Variants in GPATCH2L observed in about 807,000 individuals in gnomAD.
The protein encoded by GPATCH2L is G-patch domain containing 2 like, also known as G patch domain-containing protein 2-like.
Under a neutral mutation model 57.4 loss-of-function variants are expected in GPATCH2L, and 31 were observed. That is an observed-to-expected ratio of 0.54 (90% CI 0.41 to 0.73). GPATCH2L has a LOEUF of 0.73. Ranked by LOEUF, GPATCH2L falls within the 30% of genes least tolerant of loss-of-function variation. The pLI is 0.00. For missense variants in GPATCH2L, 481 were observed against 599.9 expected (o/e 0.80, Z 2.07); for synonymous variants, 199 against 210.7 (o/e 0.94, Z 0.48).
chr14:76,228,070 A>AT (rs2040543673), intron 1 of GPATCH2L, among the ~76,000 whole-genome samples: 4 of 152,316 alleles, frequency 2.6e-5, no homozygotes, highest in Admixed American at 2.0e-4. Context: ...CAGTTTCCGG[A>AT]TCTGTGTGGC....
intron 2 of GPATCH2L, among the ~76,000 whole-genome samples, chr14:76,162,976 C>T (rs1230117043): frequency 6.6e-6 from 1 of 152,202 alleles, no homozygotes; most frequent in Non-Finnish European, 1.5e-5. Flanking sequence ...AACACTTCTT[C>T]CCTAGCTCAA....
In GPATCH2L at chr14:76,212,249, AT is replaced by A. The variant is rs796159988; in HGVS notation, c.*10399del. ...CTGTCATATTAATAAAAGTAAACTT[AT>A]CTGTAGATAAAAGGCAAAAATGTCA... On this transcript the variant is annotated 3_prime_UTR_variant, in exon 10 of 10. Coordinates refer to ENST00000261530, the MANE Select transcript of GPATCH2L (RefSeq NM_017926.4). 30 of 152,316 alleles carry A rather than the reference AT, an allele frequency of 2.0e-4. 1 individual carries two copies. Among genetic ancestry groups the A allele is most frequent in the African/African-American group, 6.5e-4 (27 of 41,584 alleles). The allele number at this position is 152,316 out of a possible 1,614,324, so 9.4% of individuals were successfully genotyped here. A position where few individuals can be genotyped will look rare whatever the true frequency, so the allele number is the denominator to read the frequency against.
At chr14:76,164,956 G>GA (rs1231346307) in intron 2 of GPATCH2L, among the ~76,000 whole-genome samples, 16 of 152,116 alleles carry the variant, frequency 1.1e-4, no homozygotes, top group Non-Finnish European at 2.9e-5. Context: ...AGAGAGATGT[G>GA]AAAAAACAAG....
intron 2 of GPATCH2L, among the ~76,000 whole-genome samples, chr14:76,161,855 G>A (rs2038602408): frequency 6.6e-6 from 1 of 152,120 alleles, no homozygotes. Context: ...GACCAATGTG[G>A]TGAAACCTTG....
chr14:76,165,993 A>G (rs914904985), intron 2 of GPATCH2L, among the ~76,000 whole-genome samples: 5 of 152,258 alleles, frequency 3.3e-5, no homozygotes, highest in Non-Finnish European at 7.3e-5. Context: ...GCACACCATG[A>G]GAAGAAACAA....
chr14:76,219,197 C>A (rs2139860491), downstream of GPATCH2L, among the ~76,000 whole-genome samples: 1 of 152,130 alleles, frequency 6.6e-6, no homozygotes, highest in Admixed American at 6.6e-5. Flanking sequence ...ATGTGTAACT[C>A]TGCCAAGATG....
At chr14:76,231,886 A>G (rs2040563882) in intron 2 of GPATCH2L, among the ~76,000 whole-genome samples, 1 of 10,728 alleles carries the variant, frequency 9.3e-5, no homozygotes, top group South Asian at 6.8e-3. Flanking sequence ...TTACATAGCC[A>G]TCCTCCCATA....
chr14:76,157,073 T>C (rs1471696102), intron 2 of GPATCH2L, among the ~76,000 whole-genome samples: 1 of 152,252 alleles, frequency 6.6e-6, no homozygotes, highest in Non-Finnish European at 1.5e-5. Flanking sequence ...AATATGTAGA[T>C]GCTAAAGGGT....
chr14:76,153,910 T>C (rs2038172429), intron 1 of GPATCH2L: 1 of 154,966 alleles, frequency 6.5e-6, no homozygotes, highest in African/African-American at 2.4e-5. Flanking sequence ...CTACTCTGTG[T>C]TTCCACAACT....
In GPATCH2L at chr14:76,213,779, C is replaced by T. The variant is rs191991368; in HGVS notation, c.*11928C>T. On this transcript the variant is annotated 3_prime_UTR_variant, in exon 10 of 10. Coordinates refer to ENST00000261530, the MANE Select transcript of GPATCH2L (RefSeq NM_017926.4). ...TTCTCTCAGCTTCTTCTAATGTTAA[C>T]TTACATACCAATGGTACAATTATTG... The T allele has an allele frequency of 7.9e-5, 12 of 152,276 alleles. No individual in the cohort carries two copies. The highest frequency in any genetic ancestry group is 1.6e-4 in the Non-Finnish European group (11 of 68,016). 9.4% of individuals were successfully genotyped at this position (152,276 alleles called of 1,614,324 possible). A position where few individuals can be genotyped will look rare whatever the true frequency, so the allele number is the denominator to read the frequency against.
intron 8 of GPATCH2L, among the ~76,000 whole-genome samples, chr14:76,187,356 A>G (rs183912658): frequency 6.6e-6 from 1 of 152,102 alleles, no homozygotes; most frequent in East Asian, 1.9e-4. Context: ...GTCATCTTTT[A>G]TCTCCCTCTG....
intron 8 of GPATCH2L, among the ~76,000 whole-genome samples, chr14:76,194,047 T>C (rs143734100): frequency 3.6e-4 from 55 of 152,280 alleles, no homozygotes; most frequent in African/African-American, 1.2e-3. Flanking sequence ...ATTTTCTGCT[T>C]GTGTCTGGAC....
At chr14:76,190,880 G>A (rs1235467408) in intron 8 of GPATCH2L, among the ~76,000 whole-genome samples, 3 of 152,146 alleles carry the variant, frequency 2.0e-5, no homozygotes, top group East Asian at 1.9e-4. Flanking sequence ...TATATAATTC[G>A]GATAACCATT....
intron 2 of GPATCH2L, among the ~76,000 whole-genome samples, chr14:76,231,399 T>C (rs1595015988): frequency 6.6e-6 from 1 of 152,266 alleles, no homozygotes; most frequent in South Asian, 2.1e-4. Context: ...TGTTTCTTCT[T>C]CCCATCCTTT....
chr14:76,229,702 G>A (rs1026525753), intron 1 of GPATCH2L: 3 of 152,068 alleles, frequency 2.0e-5, no homozygotes, highest in South Asian at 2.1e-4. Flanking sequence ...CATGTCATGA[G>A]GTTTAATGAC....
At chr14:76,178,946 A>T (rs1172119180) in intron 7 of GPATCH2L, 1 of 152,142 alleles carries the variant, frequency 6.6e-6, no homozygotes, top group African/African-American at 2.4e-5. Flanking sequence ...ATGTTTCTTT[A>T]TGTGTGAAGC....
chr14:76,190,856 T>C (rs1474110422), intron 8 of GPATCH2L, among the ~76,000 whole-genome samples: 1 of 152,180 alleles, frequency 6.6e-6, no homozygotes, highest in Non-Finnish European at 1.5e-5. Context: ...CATGTGTATT[T>C]AGTAAAAGCT....
At position 76,212,347 on chromosome 14, in the gene GPATCH2L, A is replaced by G. The variant is rs2040450630; in HGVS notation, c.*10496A>G. 1 of 152,094 alleles carries G rather than the reference A, an allele frequency of 6.6e-6. No individual in the cohort carries two copies. Among genetic ancestry groups the G allele is most frequent in the African/African-American group, 2.4e-5 (1 of 41,436 alleles). 9.4% of individuals were successfully genotyped at this position (152,094 alleles called of 1,614,324 possible). On this transcript the variant is annotated 3_prime_UTR_variant, in exon 10 of 10. Transcript: ENST00000261530. ...GTAAACCAAGCAAACACAAACAAGA[A>G]AATGAGTTGTAGTCTGCATATCAGG...
Position 76,166,682 on chromosome 14 carries a change from A to G in GPATCH2L, c.682A>G (p.Ser228Gly). The change falls in exon 3 of 10, where the codon AGC (serine) becomes GGC (glycine). Residue 228 changes from serine (S) to glycine (G), a missense_variant. Transcript: ENST00000261530. ...TTACAGTGAAACCAGCAGTGTGTGTAGCAGCAGTGACACTGGGCTCTTTAC... is the reference window on the plus strand; with the variant it reads ...TTACAGTGAAACCAGCAGTGTGTGTGGCAGCAGTGACACTGGGCTCTTTAC... ...MSECETSSVCSSSDTGLFTND... is the reference protein window; with the variant it reads ...MSECETSSVCGSSDTGLFTND... 6.2e-7 allele frequency: 1 copy of G among 1,610,430 alleles called. No homozygotes were observed. Among genetic ancestry groups the G allele is most frequent in the Non-Finnish European group, 8.5e-7 (1 of 1,176,634 alleles).
Sources: allele counts gnomAD v4.1 joint callset (sites outside exome capture counted in the v4.1 genomes callset), GRCh38; gene constraint gnomAD v4.1.1; transcripts MANE v1.5; gene names NCBI Gene and HGNC (gene_info 2026-07-23, HGNC 2026-07-21).